ATG10: variants seen among roughly 807,000 people sequenced by gnomAD.
ATG10 encodes the protein autophagy related 10, also known as ubiquitin-like-conjugating enzyme ATG10.
In ATG10, 30 loss-of-function variants were observed where a neutral mutation model predicts 32.1. The observed-to-expected ratio is 0.94, with a 90% confidence interval of 0.70 to 1.27. The LOEUF (loss-of-function observed/expected upper bound fraction) is 1.27, where lower values mean the gene tolerates loss of function less well. Ranked by LOEUF, ATG10 falls within the 50% of genes most tolerant of loss-of-function variation. The probability of loss-of-function intolerance (pLI) is 0.00; values close to 1 mark genes in which losing one functional copy is unlikely to be tolerated. For missense variants in ATG10, 233 were observed against 262.3 expected, an observed-to-expected ratio of 0.89 and a Z score of 0.77; for synonymous variants, 87 against 91.5, an observed-to-expected ratio of 0.95 and a Z score of 0.28.
intron 2 of ATG10, among the ~76,000 whole-genome samples, chr5:82,013,767 A>AT (rs1762198657): frequency 6.6e-6 from 1 of 151,784 alleles, no homozygotes; most frequent in South Asian, 2.1e-4. Flanking sequence ...GATGTAGAGC[A>AT]TTTTTTCATA....
At chr5:82,010,549 A>T (rs559771891) in intron 2 of ATG10, among the ~76,000 whole-genome samples, 1 of 152,348 alleles carries the variant, frequency 6.6e-6, no homozygotes, top group Non-Finnish European at 1.5e-5. Context: ...GATCCATGAT[A>T]GGATAAAATA....
intron 2 of ATG10, among the ~76,000 whole-genome samples, chr5:82,053,545 A>G (rs923205680): frequency 1.3e-5 from 2 of 152,192 alleles, no homozygotes; most frequent in African/African-American, 2.4e-5. Context: ...GTGTTCTCCT[A>G]TATTTTCATC....
At chr5:82,043,480 G>A (rs1763146568) in intron 2 of ATG10, among the ~76,000 whole-genome samples, 1 of 152,174 alleles carries the variant, frequency 6.6e-6, no homozygotes. Context: ...CATTACTTAT[G>A]CAAATTTCTG....
At chr5:82,127,143 T>C (rs1766311573) in intron 3 of ATG10, among the ~76,000 whole-genome samples, 1 of 152,196 alleles carries the variant, frequency 6.6e-6, no homozygotes, top group Non-Finnish European at 1.5e-5. Context: ...TTTATCATTT[T>C]TTATTGCATG....
intron 5 of ATG10, among the ~76,000 whole-genome samples, chr5:82,227,520 G>A (rs767207681): frequency 6.6e-6 from 1 of 151,856 alleles, no homozygotes; most frequent in Non-Finnish European, 1.5e-5. Flanking sequence ...GACTACAGGC[G>A]CCTGCCACCA....
chr5:82,002,727 G>T (rs1761883775), intron 2 of ATG10, among the ~76,000 whole-genome samples: 1 of 152,062 alleles, frequency 6.6e-6, no homozygotes, highest in African/African-American at 2.4e-5. Context: ...AATAATCTGT[G>T]TACCAAACCC....
At chr5:82,012,003 T>C (rs1358058461) in intron 2 of ATG10, among the ~76,000 whole-genome samples, 1 of 152,190 alleles carries the variant, frequency 6.6e-6, no homozygotes, top group African/African-American at 2.4e-5. Flanking sequence ...GCTACAGAGA[T>C]TGCTACTTTT....
At chr5:81,991,698 G>A (rs60907980) in intron 2 of ATG10, among the ~76,000 whole-genome samples, 1,741 of 151,996 alleles carry the variant, frequency 0.011, 24 homozygotes, top group African/African-American at 0.041. Flanking sequence ...GGGAGGCTAG[G>A]GCAGGAGAGT....
intron 5 of ATG10, among the ~76,000 whole-genome samples, chr5:82,184,873 C>T (rs1030326629): frequency 1.2e-4 from 18 of 152,314 alleles, no homozygotes; most frequent in African/African-American, 4.3e-4. Flanking sequence ...TTTTCTGCTA[C>T]CGCAACAGGG....
At chr5:82,245,532 G>GATCT (rs1746992000) in intron 5 of ATG10, among the ~76,000 whole-genome samples, 1 of 152,150 alleles carries the variant, frequency 6.6e-6, no homozygotes, top group South Asian at 2.1e-4. Context: ...GTGGCATTAA[G>GATCT]ATCTCCACAA....
intron 3 of ATG10, among the ~76,000 whole-genome samples, chr5:82,155,832 G>A (rs570765802): frequency 6.6e-6 from 1 of 152,232 alleles, no homozygotes; most frequent in South Asian, 2.1e-4. Flanking sequence ...TCACAGATTG[G>A]TGGTTACATG....
At chr5:82,141,459 C>A (rs1001713168) in intron 3 of ATG10, among the ~76,000 whole-genome samples, 2 of 152,010 alleles carry the variant, frequency 1.3e-5, no homozygotes, top group Non-Finnish European at 2.9e-5. Context: ...AAATGTGTTT[C>A]CTGCCTACCA....
intron 1 of ATG10, among the ~76,000 whole-genome samples, chr5:81,983,900 C>G (rs1009849259): frequency 1.3e-5 from 2 of 148,748 alleles, no homozygotes; most frequent in Admixed American, 1.3e-4. Flanking sequence ...ACATCTCAGA[C>G]TATGGGCGGC....
At chr5:82,065,713 C>T (rs1372375273) in intron 3 of ATG10, among the ~76,000 whole-genome samples, 1 of 151,980 alleles carries the variant, frequency 6.6e-6, no homozygotes, top group East Asian at 1.9e-4. Flanking sequence ...AACAATTGAT[C>T]TACTTTAATA....
chr5:82,019,314 A>G (rs1762374826), intron 2 of ATG10, among the ~76,000 whole-genome samples: 1 of 152,070 alleles, frequency 6.6e-6, no homozygotes, highest in South Asian at 2.1e-4. Flanking sequence ...GTAAAAATGG[A>G]TTTTTTTCTA....
chr5:82,230,869 T>C (rs1442429433), intron 5 of ATG10, among the ~76,000 whole-genome samples: 3 of 151,730 alleles, frequency 2.0e-5, no homozygotes, highest in Admixed American at 1.3e-4. Flanking sequence ...AAGGACTATG[T>C]AAAATATGGA....
intron 2 of ATG10, among the ~76,000 whole-genome samples, chr5:82,054,577 C>T (rs938117606): frequency 6.6e-6 from 1 of 152,228 alleles, no homozygotes; most frequent in Non-Finnish European, 1.5e-5. Flanking sequence ...ATCCGCTTTC[C>T]ACTTCCTGCT....
chr5:82,000,480 GAAAA>G (rs1348955853), intron 2 of ATG10, among the ~76,000 whole-genome samples: 4 of 152,086 alleles, frequency 2.6e-5, no homozygotes, highest in African/African-American at 7.2e-5. Flanking sequence ...AATCAGGTAA[GAAAA>G]AGAAAGAAAG....
intron 3 of ATG10, among the ~76,000 whole-genome samples, chr5:82,137,072 G>T (rs773878323): frequency 1.3e-5 from 2 of 151,948 alleles, no homozygotes; most frequent in Non-Finnish European, 2.9e-5. Context: ...GGTCATTTGT[G>T]TTCTTCTCTA....
Sources: gnomAD v4.1 joint callset for allele counts (sites outside exome capture counted in the v4.1 genomes callset) on GRCh38, gnomAD v4.1.1 for gene constraint, MANE v1.5 for transcripts, NCBI Gene and HGNC (gene_info 2026-07-23, HGNC 2026-07-21) for gene names.